Variants in MYCBP2 observed in about 807,000 individuals in gnomAD.
MYCBP2 encodes E3 ubiquitin-protein ligase MYCBP2.
Under a neutral mutation model 525.3 loss-of-function variants are expected in MYCBP2, and 120 were observed. That is an observed-to-expected ratio of 0.23 (90% confidence interval 0.20 to 0.27). MYCBP2 has a LOEUF of 0.27. MYCBP2 is among the 10% of genes least tolerant of loss of function. The pLI, the probability that MYCBP2 is intolerant of heterozygous loss-of-function variation, is 1.00. For synonymous variants in MYCBP2, 1,894 were observed against 1,955.8 expected (o/e 0.97, Z 0.83); for missense variants, 4,149 against 5,657.1 (o/e 0.73, Z 8.55).
chr13:77,186,053 T>C lies in MYCBP2; in HGVS notation c.4262A>G (p.Glu1421Gly), dbSNP rs1231703316. 2.5e-6 allele frequency: 4 copies of C among 1,578,066 alleles called. No individual in the cohort carries two copies. The Admixed American group carries it at 7.6e-5, about 30-fold the overall frequency. Residue 1421 changes from glutamate (E) to glycine (G), a missense_variant, in exon 31 of 83, where the codon GAG (glutamate) becomes GGG (glycine). Glu to Gly is a moderately conservative substitution (Grantham distance 98). This residue lies in a region of MYCBP2 where 292 missense variants were observed against 330.5 expected (regional missense o/e 0.88). Transcript: ENST00000544440. ...FARTVSVECFESLLSILHWSW... is the reference protein window; with the variant it reads ...FARTVSVECFGSLLSILHWSW... The stretch of plus-strand genomic sequence containing the variant: ...CCAGTGAAGAATACTCAACAATGAC[T>C]CAAAACATTCCTAATCCAGAATATG...
chr13:77,270,605 C>T, intron 5 of MYCBP2, 67 bp from the exon 6 acceptor site: 1 of 1,426,338 alleles, frequency 7.0e-7, no homozygotes, highest in Non-Finnish European at 9.5e-7. Flanking sequence ...AACAAAGATA[C>T]TTTGGTAATA....
At chr13:77,097,004 CTAATT>C (rs2046356093) in intron 56 of MYCBP2, among the ~76,000 whole-genome samples, 1 of 152,106 alleles carries the variant, frequency 6.6e-6, no homozygotes, top group Admixed American at 6.6e-5. Flanking sequence ...TCAATCTAAT[CTAATT>C]TAATTTGCAA....
chr13:77,302,980 C>T (rs1364589464), intron 1 of MYCBP2, among the ~76,000 whole-genome samples: 2 of 152,104 alleles, frequency 1.3e-5, no homozygotes, highest in Non-Finnish European at 2.9e-5. Flanking sequence ...TCTAACATAC[C>T]TCTCTGTAAC....
chr13:77,065,719 A>T (rs969448317), intron 72 of MYCBP2, among the ~76,000 whole-genome samples: 10 of 152,178 alleles, frequency 6.6e-5, no homozygotes, highest in Non-Finnish European at 1.5e-4. Flanking sequence ...GTTCTTTCTT[A>T]GGGTCTGAAA....
chr13:77,176,440 AT>A lies in MYCBP2; in HGVS notation c.5472+56del, dbSNP rs1287426670. The A allele has an allele frequency of 2.1e-6, 3 of 1,440,108 alleles. No individual in the cohort carries two copies. In the East Asian group the frequency reaches 7.1e-5, roughly 34 times the overall value. 89.2% of individuals were successfully genotyped at this position (1,440,108 alleles called of 1,614,324 possible). A position where few individuals can be genotyped will look rare whatever the true frequency, so the allele number is the denominator to read the frequency against. On this transcript the variant is annotated intron_variant, in intron 36 of 82. Transcript: ENST00000544440. Reference sequence around the variant, plus strand: ...CAAAATTCATGGAATACTCTTCACTATTTTAACTACATAATAATACCTCTTA... The same window carrying A: ...CAAAATTCATGGAATACTCTTCACTATTTAACTACATAATAATACCTCTTA...
intron 46 of MYCBP2, among the ~76,000 whole-genome samples, chr13:77,152,957 C>A (rs912493740): frequency 6.7e-6 from 1 of 149,252 alleles, no homozygotes. Context: ...CTCAGCTACT[C>A]GGGAGGCTGA....
In MYCBP2 at chr13:77,093,419, G is replaced by A. The variant is rs147234242; in HGVS notation, c.10200-87C>T. On this transcript the variant is annotated intron_variant, in intron 58 of 82. Coordinates refer to ENST00000544440, the MANE Select transcript of MYCBP2 (RefSeq NM_015057.5). Reference sequence around the variant, plus strand: ...AATCTCTTTCATAACAGGAAAAGCAGCACATGTAAATCATAGTTAAAGGCA... The same window carrying A: ...AATCTCTTTCATAACAGGAAAAGCAACACATGTAAATCATAGTTAAAGGCA... 313 of 1,173,728 alleles carry A rather than the reference G, an allele frequency of 2.7e-4. 1 individual carries two copies. The African/African-American group carries it at 3.7e-3, about 14-fold the overall frequency. 72.7% of individuals were successfully genotyped at this position (1,173,728 alleles called of 1,614,324 possible).
intron 14 of MYCBP2, among the ~76,000 whole-genome samples, chr13:77,256,331 G>A (rs904866036): frequency 1.3e-5 from 2 of 152,014 alleles, no homozygotes; most frequent in African/African-American, 4.8e-5. Context: ...AGACTTTTCT[G>A]GAGTAATGCA....
At chr13:77,256,390 G>A (rs2072203801) in intron 14 of MYCBP2, among the ~76,000 whole-genome samples, 1 of 152,064 alleles carries the variant, frequency 6.6e-6, no homozygotes, top group Non-Finnish European at 1.5e-5. Context: ...GTAGAATTTA[G>A]AAGATGATTG....
chr13:77,273,562 C>G lies in MYCBP2; in HGVS notation c.855G>C (p.Leu285=). ...TALSCACLFS[L]VASWGETGRT... Reference sequence around the variant, plus strand: ...TTCCTGTTTCTCCCCAAGAAGCCACCAGACTAAAGAGGCAAGCACAGGAAA... The same window carrying G: ...TTCCTGTTTCTCCCCAAGAAGCCACGAGACTAAAGAGGCAAGCACAGGAAA... The change falls in exon 5 of 83, where the codon CTG becomes CTC. Residue 285 remains leucine, a synonymous_variant. Coordinates refer to ENST00000544440, the MANE Select transcript of MYCBP2 (RefSeq NM_015057.5). The G allele has an allele frequency of 5.0e-6, 8 of 1,613,750 alleles. No homozygotes were observed. The highest frequency in any genetic ancestry group is 6.8e-6 in the Non-Finnish European group (8 of 1,179,864).
chr13:77,097,337 G>A (rs2046417699), intron 56 of MYCBP2, 33 bp downstream of exon 56: 1 of 1,548,046 alleles, frequency 6.5e-7, no homozygotes, highest in Admixed American at 2.2e-5. Flanking sequence ...AAAGAAAAAA[G>A]CACTTATACG....
chr13:77,070,548 T>C (rs959228363), intron 69 of MYCBP2, 83 bp downstream of exon 69: 3 of 1,016,234 alleles, frequency 3.0e-6, no homozygotes, highest in South Asian at 1.6e-5. Context: ...TATACCCTAA[T>C]AACAAACAAA....
chr13:77,101,092 A>G (rs564364655), intron 55 of MYCBP2, among the ~76,000 whole-genome samples: 2 of 152,174 alleles, frequency 1.3e-5, no homozygotes, highest in East Asian at 3.9e-4. Flanking sequence ...GTTTTTTGTT[A>G]TTAATCTGAC....
At chr13:77,264,070 T>A (rs564462965) in intron 8 of MYCBP2, 68 bp from the exon 9 acceptor site, 2 of 1,290,338 alleles carry the variant, frequency 1.5e-6, no homozygotes, top group East Asian at 4.8e-5. Context: ...TTTACTCCTC[T>A]GTTGAAGTCA....
chr13:77,105,738 T>G (rs893293277), intron 55 of MYCBP2, among the ~76,000 whole-genome samples: 1 of 152,098 alleles, frequency 6.6e-6, no homozygotes, highest in Non-Finnish European at 1.5e-5. Flanking sequence ...ATTTTGATTC[T>G]TTTTTGGGTA....
chr13:77,050,265 G>A (rs973022211), intron 82 of MYCBP2, among the ~76,000 whole-genome samples: 1 of 152,098 alleles, frequency 6.6e-6, no homozygotes, highest in Non-Finnish European at 1.5e-5. Context: ...GCAGCAGATG[G>A]CAGTGTGTGT....
chr13:77,231,675 T>C (rs544042247), intron 18 of MYCBP2, among the ~76,000 whole-genome samples: 2 of 152,352 alleles, frequency 1.3e-5, no homozygotes, highest in Admixed American at 6.5e-5. Context: ...GTCCATGAGA[T>C]ACTAACATGG....
At position 77,132,662 on chromosome 13, in the gene MYCBP2, AC is replaced by A. The variant is rs149602238; in HGVS notation, c.7660-6121del. Among the ~76,000 whole-genome samples the A allele has an allele frequency of 5.7e-3, 867 of 151,910 alleles. 12 individuals are homozygous for A. Among genetic ancestry groups the A allele is most frequent in the African/African-American group, 0.02 (828 of 41,420 alleles). ...TGATATAAACTTTCTCTTCCACTCA[AC>A]CCCCCTCACAATGTTAAAAGATCTC... On this transcript the variant is annotated intron_variant, in intron 52 of 82. Coordinates refer to ENST00000544440, the MANE Select transcript of MYCBP2 (RefSeq NM_015057.5).
intron 2 of MYCBP2, among the ~76,000 whole-genome samples, chr13:77,294,109 T>TATATATATATATATATATATATATACAC (rs1421433401): frequency 1.9e-5 from 1 of 52,404 alleles, no homozygotes; most frequent in Non-Finnish European, 5.1e-5. Context: ...AATGGCTATA[T>TATATATATATATATATATATATATACAC]ATATATATAT....
Sources: allele counts gnomAD v4.1 joint callset (sites outside exome capture counted in the v4.1 genomes callset), GRCh38; gene constraint gnomAD v4.1.1; regional missense constraint gnomAD v4.1.1; transcripts MANE v1.5; gene names NCBI Gene and HGNC (gene_info 2026-07-23, HGNC 2026-07-21).